The following ADGRE5 variants were observed in gnomAD, a reference collection of about 807,000 sequenced individuals.
ADGRE5 encodes adhesion G protein-coupled receptor E5.
In ADGRE5, 72 loss-of-function variants were observed where a neutral mutation model predicts 100.3. The ratio of observed to expected loss-of-function variants is 0.72; its 90% confidence interval spans 0.59 to 0.87. The LOEUF (loss-of-function observed/expected upper bound fraction) is 0.87. Ranked by LOEUF, ADGRE5 falls within the 40% of genes least tolerant of loss-of-function variation. ADGRE5 has a pLI of 0.00. For synonymous variants in ADGRE5, 439 were observed against 447.8 expected (o/e 0.98, Z 0.25); for missense variants, 959 against 1,094.7 (o/e 0.88, Z 1.75).
chr19:14,397,850 ACAAGCGGCC>A (rs1212549817), intron 7 of ADGRE5, 30 bp from the exon 8 acceptor site: 1 of 634,668 alleles, frequency 1.6e-6, no homozygotes, highest in African/African-American at 5.8e-5. Context: ...ACACACACTG[ACAAGCGGCC>A]TAATGAGCCG....
intron 12 of ADGRE5, among the ~76,000 whole-genome samples, 181 bp from the exon 13 acceptor site, chr19:14,404,202 C>T (rs144034322): frequency 6.0e-4 from 92 of 152,300 alleles, no homozygotes; most frequent in Non-Finnish European, 1.2e-3. Context: ...TTATGTCAAC[C>T]TCACAAGGGT....
chr19:14,387,300 C>T (rs1194309084), intron 1 of ADGRE5, among the ~76,000 whole-genome samples: 1 of 152,106 alleles, frequency 6.6e-6, no homozygotes, highest in Non-Finnish European at 1.5e-5. Flanking sequence ...GGCTCATGGC[C>T]CTTCCCTACT....
chr19:14,388,646 C>G (rs1484697506), intron 2 of ADGRE5, 56 bp from the exon 3 acceptor site: 1 of 1,608,048 alleles, frequency 6.2e-7, no homozygotes, highest in East Asian at 2.2e-5. Flanking sequence ...CCCAGTGCCC[C>G]CTTTTTGTGT....
At position 14,398,142 on chromosome 19, in the gene ADGRE5, AAG is replaced by A. The variant is rs1975856266; in HGVS notation, c.897+4_897+5del. 6.2e-7 allele frequency: 1 copy of A among 1,614,036 alleles called. No homozygotes were observed. Among genetic ancestry groups the A allele is most frequent in the African/African-American group, 1.3e-5 (1 of 75,032 alleles). On this transcript the variant is annotated splice_donor_5th_base_variant and intron_variant, in intron 9 of 19. Transcript: ENST00000242786. ...GCTCAGCCGAGGTCACCATCCAGGTAAGGGCAGGATGCTGGGGGACCCCAGGA... is the reference window on the plus strand; with the variant it reads ...GCTCAGCCGAGGTCACCATCCAGGTAGGCAGGATGCTGGGGGACCCCAGGA...
intron 9 of ADGRE5, among the ~76,000 whole-genome samples, chr19:14,399,298 C>T (rs1975910139): frequency 6.6e-6 from 1 of 151,724 alleles, no homozygotes. Flanking sequence ...CACGGTGGCT[C>T]ACGCCTGTAA....
At chr19:14,387,886 C>A (rs1216727069) in intron 1 of ADGRE5, among the ~76,000 whole-genome samples, 1 of 151,286 alleles carries the variant, frequency 6.6e-6, no homozygotes, top group African/African-American at 2.4e-5. Context: ...ACCAGCCTGG[C>A]CAATATGGTG....
At position 14,398,070 on chromosome 19, in the gene ADGRE5, C is replaced by A; in HGVS notation, c.828C>A (p.Ser276=). ...PPPGVHSQTL[S]RFFDKVQDLG... is the part of the protein sequence containing the mutation. ...ATCTCCTCTCTCTGCAGACGCTTTC[C>A]CGATTCTTCGACAAAGTCCAGGACC... is the stretch of plus-strand genomic sequence containing the variant. Residue 276 remains serine, a synonymous_variant, in exon 9 of 20, where the codon TCC becomes TCA. Coordinates refer to ENST00000242786, the MANE Select transcript of ADGRE5 (RefSeq NM_078481.4). 1 of 1,613,854 alleles carries A rather than the reference C, an allele frequency of 6.2e-7. No individual in the cohort carries two copies. Among genetic ancestry groups the A allele is most frequent in the Non-Finnish European group, 8.5e-7 (1 of 1,179,962 alleles).
chr19:14,397,423 G>A, intron 6 of ADGRE5, 200 bp downstream of exon 6: 1 of 677,600 alleles, frequency 1.5e-6, no homozygotes, highest in Non-Finnish European at 2.5e-6. Context: ...GGCTCAGGGG[G>A]ACCCCAGGCA....
At chr19:14,404,354 C>G (rs1976132791) in intron 12 of ADGRE5, 29 bp from the exon 13 acceptor site, 1 of 1,591,428 alleles carries the variant, frequency 6.3e-7, no homozygotes, top group Non-Finnish European at 8.5e-7. Context: ...TCCAGGCCAA[C>G]CTTTCTGACC....
chr19:14,399,062 G>A (rs1033711310), intron 9 of ADGRE5, among the ~76,000 whole-genome samples: 2 of 151,174 alleles, frequency 1.3e-5, no homozygotes, highest in Admixed American at 1.3e-4. Flanking sequence ...GCCCAGGCTG[G>A]TCTTGAACTC....
intron 4 of ADGRE5, among the ~76,000 whole-genome samples, chr19:14,392,375 A>G (rs931712995): frequency 3.3e-5 from 5 of 151,002 alleles, no homozygotes; most frequent in East Asian, 4.0e-4. Context: ...ATCTCGGCTC[A>G]CTGCAACCTC....
chr19:14,391,678 A>G (rs1329292982), intron 4 of ADGRE5, among the ~76,000 whole-genome samples: 5 of 152,200 alleles, frequency 3.3e-5, no homozygotes, highest in Non-Finnish European at 7.3e-5. Flanking sequence ...TCAAGGCTGC[A>G]GTGAGCCATG....
chr19:14,400,312 G>A (rs893616166), intron 9 of ADGRE5, among the ~76,000 whole-genome samples: 4 of 151,936 alleles, frequency 2.6e-5, no homozygotes, highest in East Asian at 3.9e-4. Context: ...GAGCCACCGC[G>A]CCCAGCCATT....
In ADGRE5 at chr19:14,390,548, T is replaced by C. The variant is rs537122672; in HGVS notation, c.191-376T>C. ...CATCTTGGCCAGGCTGGTCTCGAAC[T>C]CCTGACCTCAGGGGATCCACCTGCC... On this transcript the variant is annotated intron_variant, in intron 3 of 19. Transcript: ENST00000242786. 3.9e-5 allele frequency among the ~76,000 whole-genome samples: 6 copies of C among 152,224 alleles called. No homozygotes were observed. The South Asian group carries it at 1.2e-3, about 32-fold the overall frequency.
chr19:14,406,616 C>A lies in ADGRE5; in HGVS notation c.2048+59C>A. 6.3e-7 allele frequency: 1 copy of A among 1,597,678 alleles called. No individual in the cohort carries two copies. The highest frequency in any genetic ancestry group is 8.6e-7 in the Non-Finnish European group (1 of 1,165,648). On this transcript the variant is annotated intron_variant, in intron 15 of 19. Coordinates refer to ENST00000242786, the MANE Select transcript of ADGRE5 (RefSeq NM_078481.4). The surrounding 1 kb of genome is among the most constrained non-coding windows in gnomAD (Gnocchi z 6.0). Reference sequence around the variant, plus strand: ...GGGTGCTGGGCCTGGGGCTCACAGGCAGTGCCACACACAATGTCCGGCCGC... The same window carrying A: ...GGGTGCTGGGCCTGGGGCTCACAGGAAGTGCCACACACAATGTCCGGCCGC...
intron 3 of ADGRE5, among the ~76,000 whole-genome samples, chr19:14,390,137 G>C (rs1021339422): frequency 6.8e-6 from 1 of 147,020 alleles, no homozygotes; most frequent in Non-Finnish European, 1.5e-5. Context: ...AGAAGAGGGA[G>C]GGAGGGAAGG....
chr19:14,392,630 C>T (rs1022496989), intron 4 of ADGRE5, among the ~76,000 whole-genome samples: 22 of 152,174 alleles, frequency 1.4e-4, no homozygotes, highest in African/African-American at 5.3e-4. Context: ...AGGCTGGGCA[C>T]AGTGGCTCAC....
Position 14,401,739 on chromosome 19 carries a change from G to T in ADGRE5, c.1162G>T (p.Ala388Ser), listed in dbSNP as rs376738555. Residue 388 changes from alanine (A) to serine (S), a missense_variant, in exon 11 of 20, where the codon GCA becomes TCA. Ala to Ser is a moderately conservative substitution (Grantham distance 99, BLOSUM62 1). Transcript: ENST00000242786. The surrounding 1 kb of genome is among the most constrained non-coding windows in gnomAD (Gnocchi z 4.1). ...SARMKLNWAVAAGAEDPGPAV... is the reference protein window; with the variant it reads ...SARMKLNWAVSAGAEDPGPAV... ...ACGCATGAAGCTGAATTGGGCTGTG[G>T]CAGCTGGAGCCGAGGATCCAGGTAG... 8.3e-6 allele frequency: 13 copies of T among 1,559,742 alleles called. No homozygotes were observed. In the African/African-American group the frequency reaches 1.5e-4, roughly 18 times the overall value.
At position 14,406,885 on chromosome 19, in the gene ADGRE5, T is replaced by A; in HGVS notation, c.2132T>A (p.Phe711Tyr). 1 of 1,614,180 alleles carries A rather than the reference T, an allele frequency of 6.2e-7. No homozygotes were observed. ...CCTGCCCAGTGCAATGCTGTCATTT[T>A]CGTGACTACCGTCTGGAAGCTCACT... ...TFIILCNAVI[F>Y]VTTVWKLTQK... Residue 711 changes from phenylalanine to tyrosine, a missense_variant, in exon 17 of 20, where the codon TTC becomes TAC. By Grantham distance (22) the Phe-to-Tyr change is conservative (BLOSUM62 3). Transcript: ENST00000242786. The surrounding 1 kb of genome is among the most constrained non-coding windows in gnomAD (Gnocchi z 6.0).
Sources: gnomAD v4.1 joint callset for allele counts (sites outside exome capture counted in the v4.1 genomes callset) on GRCh38, gnomAD v4.1.1 for gene constraint, Gnocchi (gnomAD v3.1) non-coding constraint, MANE v1.5 for transcripts, NCBI Gene and HGNC (gene_info 2026-07-23, HGNC 2026-07-21) for gene names.